The following NKD1 variants were observed in gnomAD, a reference collection of about 807,000 sequenced individuals.
NKD1 encodes the protein protein naked cuticle homolog 1.
In NKD1, 21 loss-of-function variants were observed where a neutral mutation model predicts 56.0. The observed-to-expected ratio is 0.38, with a 90% CI of 0.27 to 0.54. The LOEUF (loss-of-function observed/expected upper bound fraction) is 0.54, where lower values mean the gene tolerates loss of function less well. Ranked by LOEUF, NKD1 falls within the 20% of genes least tolerant of loss-of-function variation. The pLI is 0.82. For missense variants in NKD1, 578 were observed against 642.7 expected, an observed-to-expected ratio of 0.90 and a Z score of 1.09; for synonymous variants, 263 against 265.7, an observed-to-expected ratio of 0.99 and a Z score of 0.10.
At chr16:50,617,219 C>T (rs1378844633) in intron 4 of NKD1, among the ~76,000 whole-genome samples, 2 of 152,116 alleles carry the variant, frequency 1.3e-5, no homozygotes, top group Non-Finnish European at 2.9e-5. Context: ...GGTGTCTAGA[C>T]CCACAGTCAA....
In NKD1 at chr16:50,648,155, C is replaced by G. The variant is rs751953239; in HGVS notation, c.*14374C>G. On this transcript the variant is annotated 3_prime_UTR_variant, in exon 10 of 10. Transcript: ENST00000268459. ...TTCTATAGCCACTCACTCCTGGGCCCCACTGTGAACCCAGAAATGCCACAC... is the reference window on the plus strand; with the variant it reads ...TTCTATAGCCACTCACTCCTGGGCCGCACTGTGAACCCAGAAATGCCACAC... 6.5e-6 allele frequency: 1 copy of G among 152,884 alleles called. No individual in the cohort carries two copies. Among genetic ancestry groups the G allele is most frequent in the Non-Finnish European group, 1.5e-5 (1 of 68,312 alleles). The allele number at this position is 152,884 out of a possible 1,614,324, so 9.5% of individuals were successfully genotyped here. A position where few individuals can be genotyped will look rare whatever the true frequency, so the allele number is the denominator to read the frequency against.
intron 3 of NKD1, among the ~76,000 whole-genome samples, chr16:50,569,880 T>C (rs886691647): frequency 3.3e-5 from 5 of 152,144 alleles, no homozygotes; most frequent in Non-Finnish European, 7.4e-5. Flanking sequence ...AAGTCCCGCA[T>C]AGGTGGATTT....
intron 3 of NKD1, among the ~76,000 whole-genome samples, chr16:50,568,251 G>C (rs1262416321): frequency 1.3e-5 from 2 of 152,228 alleles, no homozygotes; most frequent in African/African-American, 4.8e-5. Context: ...GCACACGGAA[G>C]CCTAAGGGTG....
intron 3 of NKD1, among the ~76,000 whole-genome samples, chr16:50,576,261 C>G (rs1032709677): frequency 2.6e-5 from 4 of 152,190 alleles, no homozygotes; most frequent in Non-Finnish European, 5.9e-5. Context: ...TCGCAAGCCT[C>G]AGAGCAGAGC....
At chr16:50,604,934 C>A (rs1487913464) in intron 3 of NKD1, among the ~76,000 whole-genome samples, 5 of 152,220 alleles carry the variant, frequency 3.3e-5, no homozygotes, top group Non-Finnish European at 7.3e-5. Flanking sequence ...TGACCACTTA[C>A]CCACTAGAGC....
rs1054074151 is a variant in NKD1 at position 50,632,097 on chromosome 16, A to G, written c.696-184A>G. Among the ~76,000 whole-genome samples, 4 of 152,204 alleles carry G rather than the reference A, an allele frequency of 2.6e-5. No individual in the cohort carries two copies. The highest frequency in any genetic ancestry group is 4.4e-5 in the Non-Finnish European group (3 of 68,038). On this transcript the variant is annotated intron_variant, in intron 8 of 9. Transcript: ENST00000268459. The surrounding 1 kb of genome is among the most constrained non-coding windows in gnomAD (Gnocchi z 4.1). ...GCTGTGGTCTATGGTCTGTCTCTCC[A>G]TCGGCAAGGAGGGAAATGGAGGCAC... is the stretch of plus-strand genomic sequence containing the variant.
At position 50,593,646 on chromosome 16, in the gene NKD1, C is replaced by T. The variant is rs139177315; in HGVS notation, c.193-14648C>T. On this transcript the variant is annotated intron_variant, in intron 3 of 9. Transcript: ENST00000268459. ...GGTCATGTGCCCTCCCTGGTGGTTA[C>T]GGGGAGAAATCAGCCTGCCCACACC... is the stretch of plus-strand genomic sequence containing the variant. 4.6e-3 allele frequency among the ~76,000 whole-genome samples: 696 copies of T among 152,078 alleles called. 8 individuals are homozygous for T. Among genetic ancestry groups the T allele is most frequent in the African/African-American group, 0.016 (668 of 41,530 alleles).
chr16:50,582,742 C>G (rs911796482), intron 3 of NKD1, among the ~76,000 whole-genome samples: 1 of 152,088 alleles, frequency 6.6e-6, no homozygotes, highest in Non-Finnish European at 1.5e-5. Flanking sequence ...GGCGCAGTGG[C>G]GCACGCCTGT....
chr16:50,550,506 C>CT (rs1468321966), intron 3 of NKD1, among the ~76,000 whole-genome samples: 1 of 152,060 alleles, frequency 6.6e-6, no homozygotes, highest in East Asian at 1.9e-4. Flanking sequence ...GCTTGCAGTG[C>CT]TGGTGTCGGG....
chr16:50,552,325 G>A (rs550536123), intron 3 of NKD1: 1 of 152,384 alleles, frequency 6.6e-6, no homozygotes, highest in South Asian at 2.1e-4. Flanking sequence ...CACTTTCTAG[G>A]AGAAGCCATT....
intron 4 of NKD1, among the ~76,000 whole-genome samples, chr16:50,611,197 T>A (rs1386579950): frequency 1.3e-5 from 2 of 152,090 alleles, no homozygotes. Context: ...CCCTCTCCCA[T>A]CTCCCTCTCT....
rs1962615008 is a variant in NKD1 at position 50,643,198 on chromosome 16, C to T, written c.*9417C>T. On this transcript the variant is annotated 3_prime_UTR_variant, in exon 10 of 10. Coordinates refer to ENST00000268459, the MANE Select transcript of NKD1 (RefSeq NM_033119.5). ...TCCACATTGCCATATCTGCCACTTA[C>T]AGAGTGCCTACTGTGCACCCAGCCC... The T allele has an allele frequency of 2.0e-5, 3 of 152,276 alleles. No homozygotes were observed. 9.4% of individuals were successfully genotyped at this position (152,276 alleles called of 1,614,324 possible). A position where few individuals can be genotyped will look rare whatever the true frequency, so the allele number is the denominator to read the frequency against.
chr16:50,552,006 T>A (rs542438476), intron 3 of NKD1: 2 of 152,276 alleles, frequency 1.3e-5, no homozygotes, highest in South Asian at 4.2e-4. Flanking sequence ...TTCCATGATA[T>A]CATCAGGATG....
intron 3 of NKD1, among the ~76,000 whole-genome samples, chr16:50,564,825 A>G (rs1488124289): frequency 6.7e-6 from 1 of 148,742 alleles, no homozygotes; most frequent in Admixed American, 6.7e-5. Flanking sequence ...ACGCATGGTT[A>G]AAAAAAAAAG....
At chr16:50,582,986 A>G (rs1192836477) in intron 3 of NKD1, among the ~76,000 whole-genome samples, 2 of 152,156 alleles carry the variant, frequency 1.3e-5, no homozygotes, top group South Asian at 2.1e-4. Context: ...CAGCCTGGCG[A>G]CAGCGCGAGA....
chr16:50,551,538 G>T (rs1306506018), intron 3 of NKD1, among the ~76,000 whole-genome samples: 1 of 152,186 alleles, frequency 6.6e-6, no homozygotes, highest in Non-Finnish European at 1.5e-5. Context: ...TCTTGCTGCT[G>T]GGGACCCAGA....
At chr16:50,628,956 CTT>C (rs5816708) in intron 6 of NKD1, among the ~76,000 whole-genome samples, 9 of 137,496 alleles carry the variant, frequency 6.5e-5, no homozygotes, top group Admixed American at 1.4e-4. Context: ...GTGTCTCTTC[CTT>C]TTTTTTTTTT....
chr16:50,580,837 GC>G (rs1341677982), intron 3 of NKD1, among the ~76,000 whole-genome samples: 1 of 152,160 alleles, frequency 6.6e-6, no homozygotes, highest in African/African-American at 2.4e-5. Context: ...CCCCTGCAGT[GC>G]CCACCAACCC....
At chr16:50,601,461 G>C (rs1234529118) in intron 3 of NKD1, among the ~76,000 whole-genome samples, 1 of 152,218 alleles carries the variant, frequency 6.6e-6, no homozygotes, top group African/African-American at 2.4e-5. Flanking sequence ...ACCAGGCGCT[G>C]TTTGAGGGCA....
Sources: gnomAD v4.1 joint callset for allele counts (sites outside exome capture counted in the v4.1 genomes callset) on GRCh38, gnomAD v4.1.1 for gene constraint, Gnocchi (gnomAD v3.1) non-coding constraint, MANE v1.5 for transcripts, NCBI Gene and HGNC (gene_info 2026-07-23, HGNC 2026-07-21) for gene names.